The following CNTN3 variants were observed in gnomAD, a reference collection of about 807,000 sequenced individuals.
CNTN3 encodes contactin 3, also known as contactin-3.
CNTN3 carries 60 observed loss-of-function variants against 119.1 expected under a neutral mutation model. That is an observed-to-expected ratio of 0.50 (90% confidence interval 0.41 to 0.62). The LOEUF is 0.62. CNTN3 is among the 20% of genes least tolerant of loss of function. CNTN3 has a pLI of 0.00. For missense variants in CNTN3, 1,101 were observed against 1,242.4 expected, an observed-to-expected ratio of 0.89 and a Z score of 1.71; for synonymous variants, 450 against 438.7, an observed-to-expected ratio of 1.03 and a Z score of -0.32.
chr3:74,374,574 T>C (rs11919225), intron 5 of CNTN3, among the ~76,000 whole-genome samples: 1 of 152,114 alleles, frequency 6.6e-6, no homozygotes, highest in South Asian at 2.1e-4. Flanking sequence ...GATTGATTCT[T>C]GGTACCTGCC....
At position 74,369,251 on chromosome 3, in the gene CNTN3, T is replaced by A. The variant is rs1293001317; in HGVS notation, c.884A>T (p.Tyr295Phe). The A allele has an allele frequency of 2.5e-6, 4 of 1,611,258 alleles. No homozygotes were observed. The African/African-American group carries it at 5.4e-5, about 22-fold the overall frequency. ...TCGTGAATTCTCAGCAATGCATTCA[T>A]AGGAACCTGCATCTTCCTGTTGGAA... ...PNFQQEDAGSYECIAENSRGK... is the reference protein window; with the variant it reads ...PNFQQEDAGSFECIAENSRGK... The change falls in exon 8 of 23, where the codon TAT (tyrosine) becomes TTT (phenylalanine). Residue 295 changes from tyrosine (Y) to phenylalanine (F), a missense_variant. Tyr to Phe is a conservative substitution (Grantham distance 22, BLOSUM62 3). Coordinates refer to ENST00000263665, the MANE Select transcript of CNTN3 (RefSeq NM_020872.3).
At chr3:74,322,456 T>C (rs987076867) in intron 13 of CNTN3, among the ~76,000 whole-genome samples, 2 of 152,098 alleles carry the variant, frequency 1.3e-5, no homozygotes, top group Admixed American at 6.5e-5. Flanking sequence ...CCACTACATA[T>C]CTATTAGATT....
chr3:74,426,283 T>C (rs1279115730), intron 4 of CNTN3, among the ~76,000 whole-genome samples: 1 of 152,224 alleles, frequency 6.6e-6, no homozygotes, highest in African/African-American at 2.4e-5. Flanking sequence ...AGAACAATTG[T>C]ACTGTCAATT....
chr3:74,604,248 C>T (rs141868359), intron 1 of CNTN3, among the ~76,000 whole-genome samples: 1 of 152,058 alleles, frequency 6.6e-6, no homozygotes, highest in Non-Finnish European at 1.5e-5. Context: ...TGACAGTGGT[C>T]TAGGCAATGA....
In CNTN3 at chr3:74,486,518, T is replaced by C. The variant is rs1702861661; in HGVS notation, c.296A>G (p.Gln99Arg). The change falls in exon 4 of 23, where the codon CAA becomes CGA. Residue 99 changes from glutamine (Q) to arginine (R), a missense_variant. Physicochemically the swap from Gln to Arg is conservative, Grantham distance 43. Transcript: ENST00000263665. ...TCCAAGTGAATTTGTTGCAAAACAT[T>C]GGTAAGTTCCTGTATCCCAATTTCT... The part of the protein sequence containing the change: ...PNRNWDTGTY[Q>R]CFATNSLGTI... The C allele has an allele frequency of 6.2e-7, 1 of 1,606,396 alleles. No homozygotes were observed. Among genetic ancestry groups the C allele is most frequent in the Admixed American group, 1.7e-5 (1 of 57,306 alleles).
chr3:74,528,201 A>C (rs1703646468), intron 1 of CNTN3, among the ~76,000 whole-genome samples: 1 of 151,858 alleles, frequency 6.6e-6, no homozygotes, highest in African/African-American at 2.4e-5. Flanking sequence ...GATTCAATGG[A>C]AAATTATTCC....
chr3:74,490,390 G>T (rs2107055313), intron 3 of CNTN3, among the ~76,000 whole-genome samples: 1 of 152,282 alleles, frequency 6.6e-6, no homozygotes, highest in Middle Eastern at 3.4e-3. Flanking sequence ...ACACTTTTTA[G>T]CTCAGGACTT....
intron 1 of CNTN3, among the ~76,000 whole-genome samples, chr3:74,560,244 A>C (rs540215379): frequency 7.2e-5 from 11 of 152,258 alleles, no homozygotes; most frequent in African/African-American, 2.6e-4. Context: ...TGAGGATCAG[A>C]TAAGTTAATA....
At chr3:74,350,895 T>C (rs1275216354) in intron 11 of CNTN3, among the ~76,000 whole-genome samples, 1 of 151,630 alleles carries the variant, frequency 6.6e-6, no homozygotes, top group East Asian at 1.9e-4. Context: ...GACATAAATA[T>C]GGAAACAACA....
chr3:74,547,348 C>T (rs1377204875), intron 1 of CNTN3, among the ~76,000 whole-genome samples: 1 of 152,114 alleles, frequency 6.6e-6, no homozygotes, highest in African/African-American at 2.4e-5. Flanking sequence ...CAACCTTTTC[C>T]AATGTTTCGA....
intron 5 of CNTN3, among the ~76,000 whole-genome samples, chr3:74,405,620 A>G (rs550172058): frequency 1.3e-5 from 2 of 152,236 alleles, no homozygotes; most frequent in African/African-American, 4.8e-5. Flanking sequence ...AAAAATTGTT[A>G]TCTTTACAAT....
chr3:74,377,385 G>A (rs371122674), intron 5 of CNTN3, among the ~76,000 whole-genome samples: 3 of 152,040 alleles, frequency 2.0e-5, no homozygotes, highest in African/African-American at 4.8e-5. Context: ...AAAAGTCTAC[G>A]GTAATACTAT....
chr3:74,430,265 AAATGCACAGTGCTACATCCATACCATGG>A (rs2106908202), intron 4 of CNTN3, among the ~76,000 whole-genome samples: 1 of 152,284 alleles, frequency 6.6e-6, no homozygotes, highest in African/African-American at 2.4e-5. Context: ...GTGAATGGCT[AAATGCACAGTGCTACATCCATACCATGG>A]AATGCTACCC....
Position 74,498,523 on chromosome 3 carries a change from C to A in CNTN3, c.182+1136G>T, listed in dbSNP as rs559342875. On this transcript the variant is annotated intron_variant, in intron 3 of 22. Coordinates refer to ENST00000263665, the MANE Select transcript of CNTN3 (RefSeq NM_020872.3). ...TTTTGTTGAAGTACACAATAGGGCC[C>A]CAATAAATATGTTGTTAAATATTGT... 4.6e-5 allele frequency among the ~76,000 whole-genome samples: 7 copies of A among 151,720 alleles called. No homozygotes were observed. In the South Asian group the frequency reaches 1.2e-3, roughly 27 times the overall value.
chr3:74,404,562 G>A (rs1353525529), intron 5 of CNTN3, among the ~76,000 whole-genome samples: 1 of 151,822 alleles, frequency 6.6e-6, no homozygotes, highest in Non-Finnish European at 1.5e-5. Flanking sequence ...ACATCAACAT[G>A]TTCTTAATAT....
At chr3:74,509,367 G>T (rs975654038) in intron 2 of CNTN3, among the ~76,000 whole-genome samples, 19 of 147,748 alleles carry the variant, frequency 1.3e-4, no homozygotes, top group African/African-American at 4.8e-4. Context: ...AGGCTGGAGT[G>T]CAGTGATGCA....
At chr3:74,552,701 T>C (rs1704009603) in intron 1 of CNTN3, among the ~76,000 whole-genome samples, 1 of 152,164 alleles carries the variant, frequency 6.6e-6, no homozygotes, top group Admixed American at 6.5e-5. Flanking sequence ...AATCCCCACA[T>C]GTACAAAAGG....
intron 4 of CNTN3, among the ~76,000 whole-genome samples, chr3:74,477,433 T>C (rs1212762724): frequency 6.6e-6 from 1 of 152,090 alleles, no homozygotes; most frequent in Non-Finnish European, 1.5e-5. Flanking sequence ...AGGGACTCAG[T>C]AAAAGGATTT....
At chr3:74,401,027 C>G (rs962027910) in intron 5 of CNTN3, among the ~76,000 whole-genome samples, 1 of 152,028 alleles carries the variant, frequency 6.6e-6, no homozygotes, top group Non-Finnish European at 1.5e-5. Context: ...TCTATTAAAG[C>G]TATTAATGCT....
Sources: gnomAD v4.1 joint callset for allele counts (sites outside exome capture counted in the v4.1 genomes callset) on GRCh38, gnomAD v4.1.1 for gene constraint, MANE v1.5 for transcripts, NCBI Gene and HGNC (gene_info 2026-07-23, HGNC 2026-07-21) for gene names.